MECOM: variants seen among roughly 807,000 people sequenced by gnomAD.
MECOM encodes histone-lysine N-methyltransferase MECOM.
Under a neutral mutation model 116.3 loss-of-function variants are expected in MECOM, and 13 were observed. The observed-to-expected ratio is 0.11, with a 90% CI of 0.07 to 0.18. The LOEUF (loss-of-function observed/expected upper bound fraction) is 0.18, where lower values mean the gene tolerates loss of function less well. Among genes scored for constraint, MECOM ranks in the 10% least tolerant of loss-of-function variants. The pLI, the probability that MECOM is intolerant of heterozygous loss-of-function variation, is 1.00. For missense variants in MECOM, 1,299 were observed against 1,509.0 expected (o/e 0.86, Z 2.31); for synonymous variants, 528 against 535.2 (o/e 0.99, Z 0.19).
intron 2 of MECOM, among the ~76,000 whole-genome samples, chr3:169,286,037 A>G (rs1216898492): frequency 1.3e-5 from 2 of 152,218 alleles, no homozygotes; most frequent in Non-Finnish European, 2.9e-5. Context: ...TCGCTGTGAA[A>G]ATCAGATGCA....
rs536316608 is a variant in MECOM, at chr3:169,253,970, T to A, written c.376-110138A>T. Among the ~76,000 whole-genome samples the A allele has an allele frequency of 4.6e-5, 7 of 152,266 alleles. No individual in the cohort carries two copies. In the South Asian group the frequency reaches 1.2e-3, roughly 27 times the overall value. The stretch of plus-strand genomic sequence containing the variant: ...ATGATGATCCAAAGAATAATGACAC[T>A]GTTATTCCTATGAAATATTTAAGAA... On this transcript the variant is annotated intron_variant, in intron 2 of 16. Coordinates refer to ENST00000651503, the MANE Select transcript of MECOM (RefSeq NM_004991.4).
intron 13 of MECOM, among the ~76,000 whole-genome samples, chr3:169,094,453 C>A (rs1157621276): frequency 6.6e-6 from 1 of 152,198 alleles, no homozygotes; most frequent in African/African-American, 2.4e-5. Context: ...ATCCCTTCTG[C>A]TAAATATGTG....
intron 1 of MECOM, among the ~76,000 whole-genome samples, chr3:169,540,136 G>A (rs945781781): frequency 6.6e-6 from 1 of 152,036 alleles, no homozygotes; most frequent in Non-Finnish European, 1.5e-5. Context: ...GCTGCCTCTT[G>A]GATATCTCCC....
At chr3:169,490,470 A>C (rs1199225551) in intron 1 of MECOM, among the ~76,000 whole-genome samples, 2 of 152,228 alleles carry the variant, frequency 1.3e-5, no homozygotes, top group Non-Finnish European at 2.9e-5. Flanking sequence ...GGAACAAATT[A>C]ATAAACTGTG....
chr3:169,345,443 C>T (rs1295275258), intron 2 of MECOM, among the ~76,000 whole-genome samples: 1 of 152,096 alleles, frequency 6.6e-6, no homozygotes, highest in Non-Finnish European at 1.5e-5. Flanking sequence ...TATGTGCGTT[C>T]ATAATATTTG....
intron 5 of MECOM, among the ~76,000 whole-genome samples, chr3:169,123,297 GCA>G (rs1731675940): frequency 2.2e-5 from 3 of 138,892 alleles, no homozygotes; most frequent in Non-Finnish European, 4.8e-5. Flanking sequence ...ATGGATATAT[GCA>G]TGGATGTGTG....
At chr3:169,332,723 A>AC (rs1722965008) in intron 2 of MECOM, among the ~76,000 whole-genome samples, 1 of 152,202 alleles carries the variant, frequency 6.6e-6, no homozygotes, top group Non-Finnish European at 1.5e-5. Context: ...CTGAATAGAC[A>AC]TTTTACATTT....
intron 13 of MECOM, among the ~76,000 whole-genome samples, chr3:169,094,733 C>T (rs1423071784): frequency 6.6e-6 from 1 of 152,216 alleles, no homozygotes; most frequent in African/African-American, 2.4e-5. Flanking sequence ...TCTGCCATGC[C>T]TAGAGGCCAC....
rs1302822226 is a variant in MECOM, at chr3:169,446,756, CTCATGA to C, written c.38-65238_38-65233del. Among the ~76,000 whole-genome samples, 3 of 152,194 alleles carry C rather than the reference CTCATGA, an allele frequency of 2.0e-5. No individual in the cohort carries two copies. In the East Asian group the frequency reaches 5.8e-4, roughly 29 times the overall value. On this transcript the variant is annotated intron_variant, in intron 1 of 16. Coordinates refer to ENST00000651503, the MANE Select transcript of MECOM (RefSeq NM_004991.4). ...AAGGAAATAAAGACTGAGAGAGCTTCTCATGATCATATACCTGGTGTCAGAACCAAG... is the reference window on the plus strand; with the variant it reads ...AAGGAAATAAAGACTGAGAGAGCTTCTCATATACCTGGTGTCAGAACCAAG...
intron 2 of MECOM, among the ~76,000 whole-genome samples, chr3:169,224,218 A>G (rs1239413171): frequency 6.6e-5 from 10 of 152,184 alleles, no homozygotes; most frequent in Non-Finnish European, 1.5e-4. Flanking sequence ...CTTCCTTCCC[A>G]TCTGCCCTTC....
chr3:169,498,583 C>T (rs2108961460), intron 1 of MECOM, among the ~76,000 whole-genome samples: 1 of 152,340 alleles, frequency 6.6e-6, no homozygotes, highest in Middle Eastern at 3.4e-3. Flanking sequence ...CTGCCAGCCT[C>T]TGAACAGAAG....
chr3:169,181,076 C>T (rs943359508), intron 2 of MECOM, among the ~76,000 whole-genome samples: 1 of 151,972 alleles, frequency 6.6e-6, no homozygotes, highest in Non-Finnish European at 1.5e-5. Context: ...TCATAACTAA[C>T]CTGTGAGGTA....
intron 2 of MECOM, among the ~76,000 whole-genome samples, chr3:169,178,161 G>A (rs897397887): frequency 1.3e-5 from 2 of 152,112 alleles, no homozygotes; most frequent in Non-Finnish European, 1.5e-5. Context: ...AGGAATACAT[G>A]TATATATGAA....
At chr3:169,184,943 T>C (rs917532166) in intron 2 of MECOM, among the ~76,000 whole-genome samples, 1 of 152,026 alleles carries the variant, frequency 6.6e-6, no homozygotes, top group African/African-American at 2.4e-5. Context: ...TCACTGGACA[T>C]GGGAGAAGAG....
intron 1 of MECOM, among the ~76,000 whole-genome samples, chr3:169,594,170 A>AAAAAAAAAAAAAAAAAAACC (rs1553894632): frequency 8.4e-6 from 1 of 119,414 alleles, no homozygotes; most frequent in African/African-American, 3.9e-5. Context: ...AAAAAAAAAA[A>AAAAAAAAAAAAAAAAAAACC]AAAAAACACC....
intron 1 of MECOM, among the ~76,000 whole-genome samples, chr3:169,517,998 G>A (rs949395260): frequency 3.9e-5 from 6 of 152,158 alleles, no homozygotes; most frequent in African/African-American, 1.2e-4. Context: ...TATGGCTCAC[G>A]CCTGTAATCC....
chr3:169,197,634 T>A (rs1288526469), intron 2 of MECOM, among the ~76,000 whole-genome samples: 1 of 152,028 alleles, frequency 6.6e-6, no homozygotes, highest in Admixed American at 6.6e-5. Flanking sequence ...GAATTCTCTC[T>A]GTATATTAAA....
At position 169,126,456 on chromosome 3, in the gene MECOM, T is replaced by A. The variant is rs115363058; in HGVS notation, c.830+1388A>T. On this transcript the variant is annotated intron_variant, in intron 5 of 16. Coordinates refer to ENST00000651503, the MANE Select transcript of MECOM (RefSeq NM_004991.4). ...ATTTGTTAGCTTCATTTTTTTTAAA[T>A]TTGGGCACAATTATATTAAAGGGAC... 7.7e-3 allele frequency among the ~76,000 whole-genome samples: 1,170 copies of A among 152,180 alleles called. 16 individuals carry two copies. Among genetic ancestry groups the A allele is most frequent in the African/African-American group, 0.027 (1,123 of 41,566 alleles).
chr3:169,263,121 A>G (rs368419288), intron 2 of MECOM, among the ~76,000 whole-genome samples: 105 of 24,026 alleles, frequency 4.4e-3, no homozygotes, highest in Non-Finnish European at 6.1e-3. Context: ...ATATATATAT[A>G]TATATATGTT....
Sources: allele counts gnomAD v4.1 joint callset (sites outside exome capture counted in the v4.1 genomes callset), GRCh38; gene constraint gnomAD v4.1.1; transcripts MANE v1.5; gene names NCBI Gene and HGNC (gene_info 2026-07-23, HGNC 2026-07-21).